SCAF8: variants seen among roughly 807,000 people sequenced by gnomAD.
SCAF8 encodes SR-related and CTD-associated factor 8.
Under a neutral mutation model 140.5 loss-of-function variants are expected in SCAF8, and 23 were observed. The observed-to-expected ratio is 0.16, with a 90% CI of 0.12 to 0.23. The LOEUF (loss-of-function observed/expected upper bound fraction) is 0.23, where lower values mean the gene tolerates loss of function less well. Among genes scored for constraint, SCAF8 ranks in the 10% least tolerant of loss-of-function variants. SCAF8 has a pLI of 1.00. For missense variants in SCAF8, 1,397 were observed against 1,555.7 expected (o/e 0.90, Z 1.72); for synonymous variants, 575 against 528.9 (o/e 1.09, Z -1.20).
intron 9 of SCAF8, among the ~76,000 whole-genome samples, chr6:154,807,295 C>T (rs1205938738): frequency 6.6e-6 from 1 of 152,080 alleles, no homozygotes; most frequent in Admixed American, 6.6e-5. Context: ...AATTTCACAG[C>T]TTAGAATAAT....
At chr6:154,822,745 AATT>A (rs1778457471) in intron 16 of SCAF8, among the ~76,000 whole-genome samples, 3 of 152,126 alleles carry the variant, frequency 2.0e-5, no homozygotes, top group African/African-American at 7.2e-5. Context: ...TTTTTTGAAA[AATT>A]ATTTTTAGAA....
At chr6:154,754,588 G>A (rs966407458) in intron 1 of SCAF8, among the ~76,000 whole-genome samples, 1 of 152,180 alleles carries the variant, frequency 6.6e-6, no homozygotes, top group Non-Finnish European at 1.5e-5. Flanking sequence ...AAACAGTTGT[G>A]ATAGTGTTTA....
intron 6 of SCAF8, among the ~76,000 whole-genome samples, chr6:154,795,650 G>A (rs561350771): frequency 1.2e-4 from 18 of 152,280 alleles, no homozygotes; most frequent in Admixed American, 9.2e-4. Context: ...GGCAGGACAG[G>A]AGGATAGGAA....
chr6:154,823,316 C>T (rs1778474078), intron 16 of SCAF8, among the ~76,000 whole-genome samples: 1 of 152,138 alleles, frequency 6.6e-6, no homozygotes, highest in Non-Finnish European at 1.5e-5. Flanking sequence ...TAAAGGATTG[C>T]ACTGGTTACT....
At chr6:154,804,118 A>G (rs1430274187) in intron 8 of SCAF8, among the ~76,000 whole-genome samples, 1 of 151,886 alleles carries the variant, frequency 6.6e-6, no homozygotes, top group Non-Finnish European at 1.5e-5. Context: ...TGCAGTGCCC[A>G]AGGTTCTGTG....
At chr6:154,818,619 G>A (rs1273157602) in intron 14 of SCAF8, 27 bp downstream of exon 14, 3 of 1,170,542 alleles carry the variant, frequency 2.6e-6, no homozygotes, top group Non-Finnish European at 3.8e-6. Context: ...TGGAACTTGG[G>A]GTAGGGGGGC....
chr6:154,742,074 T>C (rs1778584341), intron 1 of SCAF8: 3 of 1,169,720 alleles, frequency 2.6e-6, no homozygotes, highest in South Asian at 2.6e-5. Flanking sequence ...TAGGTTTCAA[T>C]TGGTAGTGGA....
At chr6:154,819,299 A>G (rs1161372028) in intron 14 of SCAF8, among the ~76,000 whole-genome samples, 1 of 152,222 alleles carries the variant, frequency 6.6e-6, no homozygotes, top group Non-Finnish European at 1.5e-5. Context: ...TTTTTCTAAA[A>G]TAACAGACCA....
In SCAF8 at chr6:154,779,162, AG is replaced by A. The variant is rs528672118; in HGVS notation, c.159+1118del. ...ATTCTCTTGCCTCAGCCTCCCCTGT[AG>A]CTGGGATTACAGACATGCGCCACCA... On this transcript the variant is annotated intron_variant, in intron 3 of 19. Coordinates refer to ENST00000367178, the MANE Select transcript of SCAF8 (RefSeq NM_014892.5). 3.1e-4 allele frequency among the ~76,000 whole-genome samples: 47 copies of A among 152,236 alleles called. No homozygotes were observed. In the South Asian group the frequency reaches 9.1e-3, roughly 30 times the overall value.
intron 19 of SCAF8, 63 bp downstream of exon 19, chr6:154,831,203 G>C: frequency 9.8e-7 from 1 of 1,019,516 alleles, no homozygotes; most frequent in Non-Finnish European, 1.4e-6. Context: ...GTTTAATTCT[G>C]GGGTGGCATG....
At chr6:154,777,018 T>G (rs1258541481) in intron 2 of SCAF8, among the ~76,000 whole-genome samples, 2 of 152,114 alleles carry the variant, frequency 1.3e-5, no homozygotes, top group Admixed American at 6.5e-5. Flanking sequence ...CCGTCTCTAC[T>G]AAAAATACAA....
At position 154,783,537 on chromosome 6, in the gene SCAF8, T is replaced by G. The variant is rs574025194; in HGVS notation, c.160-4324T>G. ...AGCAGGAAATGTGGCTTATTTGTGG[T>G]GATTTTCAAGTTACATTTACTTTGT... is the stretch of plus-strand genomic sequence containing the variant. On this transcript the variant is annotated intron_variant, in intron 3 of 19. Transcript: ENST00000367178. 3.0e-3 allele frequency among the ~76,000 whole-genome samples: 456 copies of G among 152,318 alleles called. 5 individuals carry two copies. Among genetic ancestry groups the G allele is most frequent in the African/African-American group, 0.011 (444 of 41,578 alleles).
At chr6:154,808,999 C>T (rs948566172) in intron 11 of SCAF8, among the ~76,000 whole-genome samples, 3 of 152,114 alleles carry the variant, frequency 2.0e-5, no homozygotes, top group Non-Finnish European at 4.4e-5. Flanking sequence ...CAGTAATTTA[C>T]ATAAGATTGG....
Position 154,810,114 on chromosome 6 carries a change from A to T in SCAF8, c.1326A>T (p.Ser442=). The change falls in exon 12 of 20, where the codon TCA becomes TCT. Residue 442 remains serine (S), a synonymous_variant. Transcript: ENST00000367178. ...GCTCAAGAGAAAGAAAGAGGAAATCATCACGGTCGTATTCAAGTGAAAGGA... is the reference window on the plus strand; with the variant it reads ...GCTCAAGAGAAAGAAAGAGGAAATCTTCACGGTCGTATTCAAGTGAAAGGA... ...RSRSRERKRK[S]SRSYSSERRA... 2 of 1,614,072 alleles carry T rather than the reference A, an allele frequency of 1.2e-6. No individual in the cohort carries two copies. The highest frequency in any genetic ancestry group is 1.7e-6 in the Non-Finnish European group (2 of 1,179,942).
At chr6:154,824,131 A>G in intron 16 of SCAF8, 103 bp from the exon 17 acceptor site, 3 of 1,215,036 alleles carry the variant, frequency 2.5e-6, no homozygotes, top group Non-Finnish European at 3.5e-6. Flanking sequence ...TTTTAGTAGT[A>G]TTTGTTACCA....
chr6:154,832,977 G>C lies in SCAF8; in HGVS notation c.3398G>C (p.Arg1133Thr). ...TCTGGAAACTATCGATTTGATCCTA[G>C]AAGTGGTCCTTGGAACCGAGGATTT... Reference protein sequence around the residue: ...FRSGNYRFDPRSGPWNRGFGQ... With the variant: ...FRSGNYRFDPTSGPWNRGFGQ... The change falls in exon 20 of 20, where the codon AGA becomes ACA. Residue 1133 changes from arginine (R) to threonine (T), a missense_variant. This residue lies in a region of SCAF8 where 930 missense variants were observed against 874.6 expected (regional missense o/e 1.06). Coordinates refer to ENST00000367178, the MANE Select transcript of SCAF8 (RefSeq NM_014892.5). 6.2e-7 allele frequency: 1 copy of C among 1,614,152 alleles called. No homozygotes were observed. The highest frequency in any genetic ancestry group is 8.5e-7 in the Non-Finnish European group (1 of 1,180,024).
intron 1 of SCAF8, among the ~76,000 whole-genome samples, chr6:154,739,004 G>GT (rs1332770086): frequency 3.9e-5 from 6 of 152,062 alleles, no homozygotes; most frequent in Non-Finnish European, 7.4e-5. Context: ...TGTTGTTATT[G>GT]TTTAAGACTG....
At chr6:154,748,873 A>G (rs1778771632) in intron 1 of SCAF8, among the ~76,000 whole-genome samples, 1 of 152,258 alleles carries the variant, frequency 6.6e-6, no homozygotes, top group Admixed American at 6.5e-5. Context: ...AAAGAATTAA[A>G]TGTCTGAGTT....
chr6:154,828,360 A>T (rs954422725), intron 18 of SCAF8, among the ~76,000 whole-genome samples: 2 of 152,062 alleles, frequency 1.3e-5, no homozygotes, highest in Non-Finnish European at 2.9e-5. Context: ...TCTCAGAGTC[A>T]TGAGATCTAT....
Sources: allele counts gnomAD v4.1 joint callset (sites outside exome capture counted in the v4.1 genomes callset), GRCh38; gene constraint gnomAD v4.1.1; regional missense constraint gnomAD v4.1.1; transcripts MANE v1.5; gene names NCBI Gene and HGNC (gene_info 2026-07-23, HGNC 2026-07-21).